Variants in DIAPH1 observed in about 807,000 individuals in gnomAD.
DIAPH1 encodes diaphanous related formin 1.
Under a neutral mutation model 140.7 loss-of-function variants are expected in DIAPH1, and 46 were observed. The ratio of observed to expected loss-of-function variants is 0.33; its 90% CI spans 0.26 to 0.42. The LOEUF (loss-of-function observed/expected upper bound fraction) is 0.42, where lower values mean the gene tolerates loss of function less well. DIAPH1 is among the 10% of genes least tolerant of loss of function. The pLI, the probability that DIAPH1 is intolerant of heterozygous loss-of-function variation, is 1.00. For missense variants in DIAPH1, 1,310 were observed against 1,558.7 expected, an observed-to-expected ratio of 0.84 and a Z score of 2.69; for synonymous variants, 565 against 551.6, an observed-to-expected ratio of 1.02 and a Z score of -0.34.
intron 1 of DIAPH1, chr5:141,618,355 A>C (rs1400783544): frequency 6.5e-6 from 1 of 153,930 alleles, no homozygotes; most frequent in Non-Finnish European, 1.5e-5. Flanking sequence ...TGAATCATGG[A>C]GAAGGAAGTG....
Position 141,528,834 on chromosome 5 carries a change from A to G in DIAPH1, c.2886T>C (p.Ala962=), listed in dbSNP as rs750444501. The G allele has an allele frequency of 1.1e-4, 176 of 1,614,258 alleles. No homozygotes were observed. The highest frequency in any genetic ancestry group is 8.2e-4 in the Admixed American group (49 of 60,036). Residue 962 remains alanine, a synonymous_variant, in exon 22 of 28, where the codon GCT becomes GCC. Coordinates refer to ENST00000389054, the MANE Select transcript of DIAPH1 (RefSeq NM_005219.5). ...NIKPEIVSVT[A]ACEELRKSES... ...CACTCTTACGTAACTCCTCACATGCAGCAGTGACAGACACAATCTCTGGCT... is the reference window on the plus strand; with the variant it reads ...CACTCTTACGTAACTCCTCACATGCGGCAGTGACAGACACAATCTCTGGCT...
Position 141,571,956 on chromosome 5 carries a change from G to A in DIAPH1, c.2443C>T (p.Leu815Phe). 6.2e-7 allele frequency: 1 copy of A among 1,614,162 alleles called. No homozygotes were observed. The highest frequency in any genetic ancestry group is 1.1e-5 in the South Asian group (1 of 91,080). Reference sequence around the variant, plus strand: ...GTCTGGGCAGAGAAGGTAAGGGTAAGTTTGGCGAAAAGTTCATTGTTCTCA... The same window carrying A: ...GTCTGGGCAGAGAAGGTAAGGGTAAATTTGGCGAAAAGTTCATTGTTCTCA... Reference protein sequence around the residue: ...RFENNELFAKLTLTFSAQTKT... With the variant: ...RFENNELFAKFTLTFSAQTKT... Residue 815 changes from leucine (L) to phenylalanine (F), a missense_variant, in exon 17 of 28, where the codon CTT (leucine) becomes TTT (phenylalanine). By Grantham distance (22) the Leu-to-Phe change is conservative (BLOSUM62 0). This residue lies in a region of DIAPH1 where 589 missense variants were observed against 549.3 expected (regional missense o/e 1.07). Transcript: ENST00000389054.
At chr5:141,586,913 T>C in intron 3 of DIAPH1, 129 bp downstream of exon 3, 1 of 956,986 alleles carries the variant, frequency 1.0e-6, no homozygotes, top group African/African-American at 1.6e-5. Flanking sequence ...AGGGTTAATA[T>C]TAAAAAGTTC....
intron 18 of DIAPH1, among the ~76,000 whole-genome samples, chr5:141,538,198 T>TA (rs2099889368): frequency 6.6e-6 from 1 of 150,866 alleles, no homozygotes; most frequent in Non-Finnish European, 1.5e-5. Context: ...GTAGCTGGGA[T>TA]TACAGGCACC....
chr5:141,524,576 A>G, intron 26 of DIAPH1: 1 of 372,532 alleles, frequency 2.7e-6, no homozygotes, highest in East Asian at 6.6e-5. Flanking sequence ...TTGTGAAATT[A>G]CTAAGCAACT....
At chr5:141,567,402 T>C (rs1010485320) in intron 18 of DIAPH1, among the ~76,000 whole-genome samples, 37 of 152,190 alleles carry the variant, frequency 2.4e-4, no homozygotes, top group African/African-American at 8.2e-4. Flanking sequence ...GGGACTATTA[T>C]CTTGATATTA....
intron 19 of DIAPH1, among the ~76,000 whole-genome samples, chr5:141,530,555 T>G (rs1358444372): frequency 6.6e-6 from 1 of 152,176 alleles, no homozygotes; most frequent in Non-Finnish European, 1.5e-5. Context: ...TTAGCAATTC[T>G]CTTTGTGTGT....
Position 141,544,033 on chromosome 5 carries a change from G to A in DIAPH1, c.2483-9600C>T, listed in dbSNP as rs180778637. Among the ~76,000 whole-genome samples the A allele has an allele frequency of 6.4e-3, 975 of 152,230 alleles. 12 individuals carry two copies. The highest frequency in any genetic ancestry group is 0.01 in the Middle Eastern group (3 of 292). On this transcript the variant is annotated intron_variant, in intron 18 of 27. Transcript: ENST00000389054. Reference sequence around the variant, plus strand: ...ACACAAAAAAAAGTATAAATCGGCCGGGCGCGGTGGCTCACGCCTGTAATC... The same window carrying A: ...ACACAAAAAAAAGTATAAATCGGCCAGGCGCGGTGGCTCACGCCTGTAATC...
In DIAPH1 at chr5:141,565,394, A is replaced by T. The variant is rs1187596787; in HGVS notation, c.2482+6034T>A. ...TCCTTTATTAGAATAACATATGTATATAAAAAGTATGATTTAACCACAGTC... is the reference window on the plus strand; with the variant it reads ...TCCTTTATTAGAATAACATATGTATTTAAAAAGTATGATTTAACCACAGTC... On this transcript the variant is annotated intron_variant, in intron 18 of 27. Coordinates refer to ENST00000389054, the MANE Select transcript of DIAPH1 (RefSeq NM_005219.5). The surrounding 1 kb of genome is among the most constrained non-coding windows in gnomAD (Gnocchi z 4.3). 6.6e-6 allele frequency: 1 copy of T among 152,240 alleles called. No individual in the cohort carries two copies. Among genetic ancestry groups the T allele is most frequent in the Non-Finnish European group, 1.5e-5 (1 of 68,042 alleles). 9.4% of individuals were successfully genotyped at this position (152,240 alleles called of 1,614,324 possible). A position where few individuals can be genotyped will look rare whatever the true frequency, so the allele number is the denominator to read the frequency against.
chr5:141,560,664 T>G (rs1157627134), intron 18 of DIAPH1: 1 of 229,070 alleles, frequency 4.4e-6, no homozygotes, highest in Non-Finnish European at 9.1e-6. Flanking sequence ...AGTTTTAATC[T>G]CTGCTGTATC....
intron 1 of DIAPH1, among the ~76,000 whole-genome samples, chr5:141,601,471 G>A (rs2099900128): frequency 6.6e-6 from 1 of 151,870 alleles, no homozygotes. Context: ...TATTTTTTTA[G>A]TAGAGAAAGG....
intron 18 of DIAPH1, among the ~76,000 whole-genome samples, chr5:141,536,401 C>G (rs2099889024): frequency 6.6e-6 from 1 of 151,996 alleles, no homozygotes; most frequent in Admixed American, 6.6e-5. Context: ...TATTGAGTAC[C>G]TATATGTGCC....
In DIAPH1 at chr5:141,529,256, C is replaced by T. The variant is rs562824586; in HGVS notation, c.2694G>A (p.Met898Ile). 10 of 1,614,034 alleles carry T rather than the reference C, an allele frequency of 6.2e-6. No homozygotes were observed. Among genetic ancestry groups the T allele is most frequent in the Admixed American group, 1.7e-5 (1 of 60,018 alleles). ...ESMIQNLIKQ[M>I]PEPEQLKMLS... ...GCATTTTTAACTGCTCTGGCTCTGG[C>T]ATTTGCTTAATGAGGTTCTGAAAGA... Residue 898 changes from methionine to isoleucine, a missense_variant, in exon 21 of 28, where the codon ATG (methionine) becomes ATA (isoleucine). Met to Ile is a conservative substitution (Grantham distance 10). Coordinates refer to ENST00000389054, the MANE Select transcript of DIAPH1 (RefSeq NM_005219.5).
chr5:141,545,762 T>C (rs565070095), intron 18 of DIAPH1, among the ~76,000 whole-genome samples: 71 of 152,316 alleles, frequency 4.7e-4, no homozygotes, highest in African/African-American at 1.6e-3. Flanking sequence ...GGACCATATA[T>C]TAATAGTTTC....
intron 1 of DIAPH1, among the ~76,000 whole-genome samples, chr5:141,601,027 T>G (rs2099900060): frequency 1.3e-5 from 2 of 151,438 alleles, no homozygotes; most frequent in Admixed American, 6.6e-5. Flanking sequence ...AACTGAACAA[T>G]GAGAACACCT....
intron 1 of DIAPH1, among the ~76,000 whole-genome samples, chr5:141,613,466 C>T (rs985039139): frequency 2.6e-5 from 4 of 152,300 alleles, no homozygotes; most frequent in Middle Eastern, 3.4e-3. Flanking sequence ...CCTCTTCCTC[C>T]ACTTGTTCAT....
chr5:141,587,118 T>C lies in DIAPH1; in HGVS notation c.224A>G (p.Tyr75Cys), dbSNP rs745759508. The change falls in exon 3 of 28, where the codon TAT (tyrosine) becomes TGT (cysteine). Residue 75 changes from tyrosine to cysteine, a missense_variant. Transcript: ENST00000389054. ...NSAHRNSSAS[Y>C]GDDPTAQSLQ... ...TGACTGTGCTGTGGGATCATCCCCA[T>C]ATGATGCAGAAGAATTTCTATGAGC... 2.5e-6 allele frequency: 4 copies of C among 1,614,012 alleles called. No individual in the cohort carries two copies. The highest frequency in any genetic ancestry group is 2.2e-5 in the South Asian group (2 of 91,084).
At position 141,575,160 on chromosome 5, in the gene DIAPH1, G is replaced by GA. The variant is rs777822030; in HGVS notation, c.1462-15dup. ...CTCTGAGTCCAACTAGAGAAAAAAC[G>GA]AATCAGGCTCCCAGCAAGCTCTCCA... On this transcript the variant is annotated splice_polypyrimidine_tract_variant and intron_variant, in intron 14 of 27. Coordinates refer to ENST00000389054, the MANE Select transcript of DIAPH1 (RefSeq NM_005219.5). 3.1e-6 allele frequency: 5 copies of GA among 1,613,794 alleles called. No individual in the cohort carries two copies. The highest frequency in any genetic ancestry group is 2.7e-5 in the African/African-American group (2 of 74,892).
chr5:141,520,002 G>A (rs916520616), intron 27 of DIAPH1, among the ~76,000 whole-genome samples: 1 of 152,140 alleles, frequency 6.6e-6, no homozygotes, highest in Admixed American at 6.5e-5. Context: ...AGTTAGGGGT[G>A]GGCTAGGATA....
Sources: gnomAD v4.1 joint callset for allele counts (sites outside exome capture counted in the v4.1 genomes callset) on GRCh38, gnomAD v4.1.1 for gene constraint, gnomAD v4.1.1 regional missense constraint, Gnocchi (gnomAD v3.1) non-coding constraint, MANE v1.5 for transcripts, NCBI Gene and HGNC (gene_info 2026-07-23, HGNC 2026-07-21) for gene names.